Variants in LINS1 observed in about 807,000 individuals in gnomAD.
The protein encoded by LINS1 is lines homolog 1, also known as protein Lines homolog 1.
Under a neutral mutation model 41.6 loss-of-function variants are expected in LINS1, and 27 were observed. That is an observed-to-expected ratio of 0.65 (90% confidence interval 0.48 to 0.89). The LOEUF (loss-of-function observed/expected upper bound fraction) is 0.89, where lower values mean the gene tolerates loss of function less well. LINS1 is among the 40% of genes least tolerant of loss of function. The pLI, the probability that LINS1 is intolerant of heterozygous loss-of-function variation, is 0.00. For synonymous variants in LINS1, 336 were observed against 312.9 expected (o/e 1.07, Z -0.78); for missense variants, 955 against 884.1 (o/e 1.08, Z -1.02).
chr15:100,585,483 G>T (rs1567093761), intron 1 of LINS1, among the ~76,000 whole-genome samples: 1 of 152,222 alleles, frequency 6.6e-6, no homozygotes, highest in African/African-American at 2.4e-5. Context: ...TTTGGACCCA[G>T]TGTCCTTTGG....
chr15:100,579,600 T>C (rs1359366022), intron 3 of LINS1, among the ~76,000 whole-genome samples: 1 of 152,220 alleles, frequency 6.6e-6, no homozygotes, highest in Admixed American at 6.5e-5. Flanking sequence ...ATATCACTTT[T>C]TATATTCAGA....
intron 1 of LINS1, among the ~76,000 whole-genome samples, chr15:100,588,122 G>A (rs117922052): frequency 0.016 from 2,373 of 152,304 alleles, 38 homozygotes; most frequent in Non-Finnish European, 0.022. Context: ...AAGCTGTAGT[G>A]AATCTGGTGT....
chr15:100,569,634 C>A lies in LINS1; in HGVS notation c.1878G>T (p.Leu626=). ...AATCGTCAGAGCTGTCGTAATCTAC[C>A]AGACTTTGAGAGGCCCGGGGGGAAG... ...SLSSPRASQS[L]VDYDSSDDSD... The change falls in exon 7 of 7, where the codon CTG becomes CTT. Residue 626 remains leucine, a synonymous_variant. Transcript: ENST00000314742. 1 of 1,613,054 alleles carries A rather than the reference C, an allele frequency of 6.2e-7. No individual in the cohort carries two copies.
chr15:100,593,591 T>C (rs1169698131), intron 1 of LINS1, among the ~76,000 whole-genome samples: 1 of 151,406 alleles, frequency 6.6e-6, no homozygotes, highest in Non-Finnish European at 1.5e-5. Context: ...ATCATACCCA[T>C]TTTACAGATA....
intron 3 of LINS1, among the ~76,000 whole-genome samples, chr15:100,578,112 G>T (rs2038298173): frequency 6.6e-6 from 1 of 152,068 alleles, no homozygotes; most frequent in Admixed American, 6.5e-5. Flanking sequence ...ACATAGGCAT[G>T]GGCAAGGACT....
In LINS1 at chr15:100,569,241, C is replaced by G; in HGVS notation, c.2271G>C (p.Leu757Phe). Reference protein sequence around the residue: ...EVISNKTMNTL With the variant: ...EVISNKTMNTF ...TGGAAAATAAAATGTCAATGTTTTACAAAGTGTTCATAGTTTTATTACTTA... is the reference window on the plus strand; with the variant it reads ...TGGAAAATAAAATGTCAATGTTTTAGAAAGTGTTCATAGTTTTATTACTTA... Residue 757 changes from leucine to phenylalanine, a missense_variant, in exon 7 of 7, where the codon TTG (leucine) becomes TTC (phenylalanine). Leu to Phe is a conservative substitution (Grantham distance 22). Transcript: ENST00000314742. 6.4e-7 allele frequency: 1 copy of G among 1,572,348 alleles called. No individual in the cohort carries two copies. The highest frequency in any genetic ancestry group is 8.7e-7 in the Non-Finnish European group (1 of 1,144,436).
Position 100,569,786 on chromosome 15 carries a change from G to A in LINS1, c.1726C>T (p.Arg576Cys), listed in dbSNP as rs1449792346. ...DQSSNQTIPH[R>C]LTAPHSHRDV... ...CTGTGACTATGAGGAGCAGTCAAAC[G>A]ATGGGGTATTGTTTGGTTGGAGCTT... The change falls in exon 7 of 7, where the codon CGT (arginine) becomes TGT (cysteine). Residue 576 changes from arginine to cysteine, a missense_variant. By Grantham distance (180) the Arg-to-Cys change is radical. Transcript: ENST00000314742. The A allele has an allele frequency of 6.8e-6, 11 of 1,613,928 alleles. No homozygotes were observed. Among genetic ancestry groups the A allele is most frequent in the Non-Finnish European group, 7.6e-6 (9 of 1,179,958 alleles).
intron 6 of LINS1, among the ~76,000 whole-genome samples, chr15:100,570,856 GA>G (rs1297534207): frequency 2.0e-5 from 3 of 152,026 alleles, no homozygotes; most frequent in East Asian, 1.9e-4. Context: ...AACTACATCT[GA>G]AAAAAACTAT....
rs765991640 is a variant in LINS1, at chr15:100,569,825, G to C, written c.1687C>G (p.Leu563Val). Residue 563 changes from leucine (L) to valine (V), a missense_variant, in exon 7 of 7, where the codon CTT becomes GTT. Leu to Val is a conservative substitution (Grantham distance 32). Transcript: ENST00000314742. Reference protein sequence around the residue: ...DISICGCVPSLVQDQSSNQTI... With the variant: ...DISICGCVPSVVQDQSSNQTI... ...TGGTTGGAGCTTTGGTCTTGGACAA[G>C]TGAGGGGACACAGCCACAAATACTT... The C allele has an allele frequency of 6.2e-7, 1 of 1,614,202 alleles. No homozygotes were observed. Among genetic ancestry groups the C allele is most frequent in the Admixed American group, 1.7e-5 (1 of 60,026 alleles).
At chr15:100,579,826 C>T (rs1432591345) in intron 3 of LINS1, among the ~76,000 whole-genome samples, 1 of 152,070 alleles carries the variant, frequency 6.6e-6, no homozygotes, top group Non-Finnish European at 1.5e-5. Flanking sequence ...GGGAAGGGGT[C>T]CACCTACTAG....
Position 100,572,530 on chromosome 15 carries a change from TAAA to T in LINS1, c.1223-468_1223-466del, listed in dbSNP as rs531872028. The T allele has an allele frequency of 8.0e-6, 8 of 995,690 alleles. No individual in the cohort carries two copies. The African/African-American group carries it at 1.1e-4, about 13-fold the overall frequency. 61.7% of individuals were successfully genotyped at this position (995,690 alleles called of 1,614,324 possible). A position where few individuals can be genotyped will look rare whatever the true frequency, so the allele number is the denominator to read the frequency against. ...GAAGTACTACTATTAAGCACAAAAA[TAAA>T]AAACGTTTTAGGTAGTTTGAACTAC... is the stretch of plus-strand genomic sequence containing the variant. On this transcript the variant is annotated intron_variant, in intron 5 of 6. Transcript: ENST00000314742.
intron 1 of LINS1, among the ~76,000 whole-genome samples, chr15:100,583,389 T>A (rs574501248): frequency 6.6e-6 from 1 of 152,380 alleles, no homozygotes; most frequent in African/African-American, 2.4e-5. Context: ...CCTGTTTTAG[T>A]CCTTTCATGG....
rs2038084885 is a variant in LINS1, at chr15:100,575,112, G to A, written c.506C>T (p.Ser169Phe). Reference protein sequence around the residue: ...QLREKITLSNSWIAFCQKNLS... With the variant: ...QLREKITLSNFWIAFCQKNLS... Reference sequence around the variant, plus strand: ...ATTTTTCTGGCAAAAAGCAATCCAGGAATTACTTAAGGTTATCTACAAGTG... The same window carrying A: ...ATTTTTCTGGCAAAAAGCAATCCAGAAATTACTTAAGGTTATCTACAAGTG... Residue 169 changes from serine (S) to phenylalanine (F), a missense_variant, in exon 4 of 7, where the codon TCC becomes TTC. Physicochemically the swap from Ser to Phe is radical, Grantham distance 155. Coordinates refer to ENST00000314742, the MANE Select transcript of LINS1 (RefSeq NM_001040616.3). 6.2e-7 allele frequency: 1 copy of A among 1,611,722 alleles called. No individual in the cohort carries two copies. Among genetic ancestry groups the A allele is most frequent in the Admixed American group, 1.7e-5 (1 of 60,004 alleles).
chr15:100,573,390 G>C (rs1196796981), intron 5 of LINS1: 1 of 1,250,786 alleles, frequency 8.0e-7, no homozygotes, highest in Non-Finnish European at 1.0e-6. Flanking sequence ...CACTTACTTT[G>C]AGATGACTCA....
At chr15:100,572,552 G>T in intron 5 of LINS1, 2 of 999,222 alleles carry the variant, frequency 2.0e-6, no homozygotes, top group Non-Finnish European at 2.4e-6. Flanking sequence ...TAGGTAGTTT[G>T]AACTACAATT....
chr15:100,571,844 T>C, intron 6 of LINS1, 50 bp downstream of exon 6: 1 of 1,602,096 alleles, frequency 6.2e-7, no homozygotes, highest in Non-Finnish European at 8.5e-7. Flanking sequence ...AAATGTTTTC[T>C]GCTTTCCTGA....
At chr15:100,601,903 C>T (rs914580564) in intron 1 of LINS1, among the ~76,000 whole-genome samples, 3 of 152,130 alleles carry the variant, frequency 2.0e-5, no homozygotes, top group Admixed American at 6.6e-5. Context: ...GAGGCATTGC[C>T]AGCCTGGAAG....
At position 100,576,395 on chromosome 15, in the gene LINS1, A is replaced by T. The variant is rs530723946; in HGVS notation, c.490-1267T>A. 2.0e-5 allele frequency among the ~76,000 whole-genome samples: 3 copies of T among 152,348 alleles called. No homozygotes were observed. In the East Asian group the frequency reaches 5.8e-4, roughly 29 times the overall value. On this transcript the variant is annotated intron_variant, in intron 3 of 6. Transcript: ENST00000314742. ...ACTACCATCAGAGAATACTATAAAT[A>T]CCTCTATGCAAATAAAGTAGAAAAT...
chr15:100,573,928 G>C lies in LINS1; in HGVS notation c.945C>G (p.Leu315=). The change falls in exon 5 of 7, where the codon CTC becomes CTG. Residue 315 remains leucine, a synonymous_variant. Coordinates refer to ENST00000314742, the MANE Select transcript of LINS1 (RefSeq NM_001040616.3). The part of the protein sequence containing the change: ...KCLLCKVGED[L]CRGSVPALMP... ...TTAAGGCAGGCACAGATCCACGACA[G>C]AGGTCTTCACCCACTTTACAGAGAA... 1 of 1,614,228 alleles carries C rather than the reference G, an allele frequency of 6.2e-7. No individual in the cohort carries two copies. The highest frequency in any genetic ancestry group is 1.7e-5 in the Admixed American group (1 of 60,034).
Sources: allele counts gnomAD v4.1 joint callset (sites outside exome capture counted in the v4.1 genomes callset), GRCh38; gene constraint gnomAD v4.1.1; transcripts MANE v1.5; gene names NCBI Gene and HGNC (gene_info 2026-07-23, HGNC 2026-07-21).